The following ICA1 variants were observed in gnomAD, a reference collection of about 807,000 sequenced individuals.
The protein encoded by ICA1 is 69 kDa islet cell autoantigen.
ICA1 carries 40 observed loss-of-function variants against 71.0 expected under a neutral mutation model. That is an observed-to-expected ratio of 0.56 (90% CI 0.44 to 0.73). ICA1 has a LOEUF of 0.73. ICA1 is among the 30% of genes least tolerant of loss of function. The pLI, the probability that ICA1 is intolerant of heterozygous loss-of-function variation, is 0.00. For synonymous variants in ICA1, 207 were observed against 209.5 expected, an observed-to-expected ratio of 0.99 and a Z score of 0.10; for missense variants, 578 against 576.5, an observed-to-expected ratio of 1.00 and a Z score of -0.03.
At chr7:8,260,559 C>A (rs1383882501) in intron 1 of ICA1, among the ~76,000 whole-genome samples, 2 of 152,132 alleles carry the variant, frequency 1.3e-5, no homozygotes, top group East Asian at 1.9e-4. Context: ...ATAAACAGTA[C>A]AATTATTTCC....
intron 6 of ICA1, among the ~76,000 whole-genome samples, chr7:8,216,456 T>C (rs111251296): frequency 2.0e-5 from 3 of 152,170 alleles, no homozygotes; most frequent in Middle Eastern, 3.4e-3. Context: ...TAAAAAAACA[T>C]GTTTTCCAAA....
At chr7:8,195,137 G>A (rs1250058189) in intron 6 of ICA1, among the ~76,000 whole-genome samples, 1 of 152,192 alleles carries the variant, frequency 6.6e-6, no homozygotes, top group Non-Finnish European at 1.5e-5. Context: ...AATATTGTAT[G>A]TCATTAGGGA....
At chr7:8,155,304 G>T (rs900344091) in intron 8 of ICA1, among the ~76,000 whole-genome samples, 23 of 152,198 alleles carry the variant, frequency 1.5e-4, no homozygotes, top group Non-Finnish European at 2.9e-4. Flanking sequence ...CAAAATATTT[G>T]TAAGTATGTC....
At chr7:8,229,213 A>T (rs988895149) in intron 3 of ICA1, among the ~76,000 whole-genome samples, 3 of 152,234 alleles carry the variant, frequency 2.0e-5, no homozygotes, top group African/African-American at 7.2e-5. Context: ...ACATCTGATA[A>T]AATGATGTTG....
intron 1 of ICA1, among the ~76,000 whole-genome samples, chr7:8,238,662 A>G (rs988261796): frequency 2.6e-5 from 4 of 152,182 alleles, no homozygotes; most frequent in Non-Finnish European, 4.4e-5. Flanking sequence ...GCTTATTAAA[A>G]TGCCTTTTAA....
chr7:8,169,901 A>AGTGTCTGTGTGTGTGTGTGT (rs1554305227), intron 6 of ICA1, among the ~76,000 whole-genome samples: 95 of 147,194 alleles, frequency 6.5e-4, no homozygotes, highest in Non-Finnish European at 1.1e-3. Context: ...TTAATGCCTG[A>AGTGTCTGTGTGTGTGTGTGT]GTGTGTGTGT....
intron 9 of ICA1, 25 bp downstream of exon 9, chr7:8,143,850 C>CA: frequency 6.9e-7 from 1 of 1,459,028 alleles, no homozygotes; most frequent in Non-Finnish European, 9.6e-7. Context: ...AAGAAAGATG[C>CA]AGAGGGAAGG....
rs17145550 is a variant in ICA1 at position 8,219,812 on chromosome 7, A to G, written c.381-1309T>C. Among the ~76,000 whole-genome samples, 112 of 152,376 alleles carry G rather than the reference A, an allele frequency of 7.4e-4. 2 individuals are homozygous for G. In the East Asian group the frequency reaches 0.018, roughly 25 times the overall value. ...CTACTTAAAGACATCAAGAGTCCTCAGCTATCTCCCTAACTATTCTATTCA... is the reference window on the plus strand; with the variant it reads ...CTACTTAAAGACATCAAGAGTCCTCGGCTATCTCCCTAACTATTCTATTCA... On this transcript the variant is annotated intron_variant, in intron 5 of 13. Transcript: ENST00000402384.
intron 6 of ICA1, among the ~76,000 whole-genome samples, chr7:8,190,866 G>A (rs1785353872): frequency 6.6e-6 from 1 of 152,184 alleles, no homozygotes; most frequent in African/African-American, 2.4e-5. Context: ...AGGGAACAAG[G>A]AAGTTTGCTT....
At chr7:8,191,716 ATAT>A (rs1241206903) in intron 6 of ICA1, among the ~76,000 whole-genome samples, 1 of 151,928 alleles carries the variant, frequency 6.6e-6, no homozygotes, top group Admixed American at 6.6e-5. Flanking sequence ...GTAATATTAC[ATAT>A]TATTATAATA....
intron 6 of ICA1, among the ~76,000 whole-genome samples, chr7:8,179,650 G>C (rs1781599464): frequency 6.6e-6 from 1 of 152,180 alleles, no homozygotes; most frequent in Non-Finnish European, 1.5e-5. Context: ...GAACTAAGAA[G>C]TCCCAGATGA....
intron 8 of ICA1, among the ~76,000 whole-genome samples, chr7:8,155,442 G>C (rs1049553313): frequency 1.3e-5 from 2 of 152,276 alleles, no homozygotes; most frequent in East Asian, 3.9e-4. Context: ...CTCAGCACAG[G>C]AGGCCAGGGA....
At chr7:8,235,313 C>A (rs1000587246) in intron 2 of ICA1, among the ~76,000 whole-genome samples, 1 of 152,160 alleles carries the variant, frequency 6.6e-6, no homozygotes, top group African/African-American at 2.4e-5. Flanking sequence ...GGAAACACTG[C>A]TTGAAGAGCT....
At chr7:8,182,608 C>T (rs1782553790) in intron 6 of ICA1, among the ~76,000 whole-genome samples, 1 of 151,980 alleles carries the variant, frequency 6.6e-6, no homozygotes, top group Non-Finnish European at 1.5e-5. Flanking sequence ...TGATATATTT[C>T]CTCTAAATTT....
chr7:8,161,260 G>C (rs77519627), intron 6 of ICA1, among the ~76,000 whole-genome samples: 5,270 of 152,236 alleles, frequency 0.035, 150 homozygotes, highest in South Asian at 0.13. Flanking sequence ...CATCTCTTAA[G>C]GAGGACAGAC....
chr7:8,239,218 C>T (rs1410616073), intron 1 of ICA1, among the ~76,000 whole-genome samples: 2 of 152,310 alleles, frequency 1.3e-5, no homozygotes, highest in East Asian at 3.9e-4. Flanking sequence ...GATTTCCTGA[C>T]ATAATCTATC....
chr7:8,185,358 A>G (rs575588930), intron 6 of ICA1, among the ~76,000 whole-genome samples: 6 of 152,324 alleles, frequency 3.9e-5, no homozygotes, highest in African/African-American at 1.4e-4. Flanking sequence ...TCACCCATCC[A>G]TGCATCTGGC....
chr7:8,118,471 T>C (rs907826391), intron 13 of ICA1, among the ~76,000 whole-genome samples: 15 of 152,268 alleles, frequency 9.9e-5, no homozygotes, highest in African/African-American at 3.6e-4. Flanking sequence ...TCTCTTACAG[T>C]GGGTGAAGTT....
At chr7:8,168,576 C>A (rs1421351954) in intron 6 of ICA1, among the ~76,000 whole-genome samples, 1 of 152,144 alleles carries the variant, frequency 6.6e-6, no homozygotes, top group East Asian at 1.9e-4. Flanking sequence ...TCAAGAACCC[C>A]TGGTCAACAA....
Sources: gnomAD v4.1 joint callset for allele counts (sites outside exome capture counted in the v4.1 genomes callset) on GRCh38, gnomAD v4.1.1 for gene constraint, MANE v1.5 for transcripts, NCBI Gene and HGNC (gene_info 2026-07-23, HGNC 2026-07-21) for gene names.